The following BRINP2 variants were observed in gnomAD, a reference collection of about 807,000 sequenced individuals.
BRINP2 encodes the protein BMP/retinoic acid inducible neural specific 2, also known as BMP/retinoic acid-inducible neural-specific protein 2.
Under a neutral mutation model 69.2 loss-of-function variants are expected in BRINP2, and 21 were observed. The observed-to-expected ratio is 0.30, with a 90% CI of 0.22 to 0.44. BRINP2 has a LOEUF of 0.44. Among genes scored for constraint, BRINP2 ranks in the 20% least tolerant of loss-of-function variants. The pLI is 1.00. For synonymous variants in BRINP2, 380 were observed against 394.1 expected, an observed-to-expected ratio of 0.96 and a Z score of 0.42; for missense variants, 877 against 986.0, an observed-to-expected ratio of 0.89 and a Z score of 1.48.
chr1:177,227,791 G>A (rs1360031661), intron 1 of BRINP2, among the ~76,000 whole-genome samples: 1 of 151,786 alleles, frequency 6.6e-6, no homozygotes, highest in East Asian at 1.9e-4. Context: ...CATATACTAA[G>A]TTCTAATATA....
intron 3 of BRINP2, 198 bp from the exon 4 acceptor site, chr1:177,256,978 T>C: frequency 6.8e-7 from 1 of 1,474,726 alleles, no homozygotes; most frequent in Non-Finnish European, 9.0e-7. Flanking sequence ...AGAGGGCCTT[T>C]CAGGCAGCGA....
rs1313902090 is a variant in BRINP2, at chr1:177,257,392, C to T, written c.669+8C>T. 2 of 1,601,196 alleles carry T rather than the reference C, an allele frequency of 1.2e-6. No individual in the cohort carries two copies. Among genetic ancestry groups the T allele is most frequent in the Non-Finnish European group, 1.7e-6 (2 of 1,172,136 alleles). On this transcript the variant is annotated splice_region_variant and intron_variant, in intron 4 of 7. Transcript: ENST00000361539. ...GCCACGGGGGCCATCAAGGTAATGA[C>T]CTGAGAGGTACAGGGAAGGGGATGG...
intron 1 of BRINP2, among the ~76,000 whole-genome samples, chr1:177,193,775 C>T (rs545832334): frequency 1.3e-5 from 2 of 152,152 alleles, no homozygotes; most frequent in Non-Finnish European, 2.9e-5. Flanking sequence ...TTTATAGACT[C>T]GTATGGTTCT....
chr1:177,239,145 C>T (rs1488766270), intron 2 of BRINP2, among the ~76,000 whole-genome samples: 1 of 152,178 alleles, frequency 6.6e-6, no homozygotes, highest in African/African-American at 2.4e-5. Context: ...CTTTAGGCAG[C>T]CCGGTAGGTC....
chr1:177,216,863 G>A (rs1393309461), intron 1 of BRINP2, among the ~76,000 whole-genome samples: 2 of 147,862 alleles, frequency 1.4e-5, no homozygotes, highest in African/African-American at 5.0e-5. Flanking sequence ...TGAGAAGTTT[G>A]CTGATAGTTT....
intron 1 of BRINP2, among the ~76,000 whole-genome samples, chr1:177,218,469 AT>A (rs1649438212): frequency 6.6e-6 from 1 of 151,960 alleles, no homozygotes; most frequent in Admixed American, 6.5e-5. Context: ...AATTTGCATA[AT>A]TTTTTAATAT....
At chr1:177,224,349 T>C (rs1368379906) in intron 1 of BRINP2, among the ~76,000 whole-genome samples, 1 of 152,244 alleles carries the variant, frequency 6.6e-6, no homozygotes, top group East Asian at 1.9e-4. Context: ...ATTCCTGCTT[T>C]ATACCCTGCT....
intron 1 of BRINP2, among the ~76,000 whole-genome samples, chr1:177,178,766 T>G (rs1434359158): frequency 6.6e-6 from 1 of 151,938 alleles, no homozygotes; most frequent in Admixed American, 6.6e-5. Flanking sequence ...TTATTAAGAG[T>G]GTGTAGTGCT....
intron 1 of BRINP2, among the ~76,000 whole-genome samples, chr1:177,212,009 TATCA>T (rs1035393054): frequency 1.3e-5 from 2 of 152,164 alleles, no homozygotes; most frequent in East Asian, 1.9e-4. Flanking sequence ...TGTTTGAGTA[TATCA>T]ATCAATCTAC....
At chr1:177,234,835 G>A (rs1025560719) in intron 2 of BRINP2, among the ~76,000 whole-genome samples, 2 of 152,202 alleles carry the variant, frequency 1.3e-5, no homozygotes, top group African/African-American at 4.8e-5. Flanking sequence ...GGACATCATA[G>A]TCTTATCATA....
chr1:177,218,645 A>G (rs767023316), intron 1 of BRINP2, among the ~76,000 whole-genome samples: 3 of 152,042 alleles, frequency 2.0e-5, no homozygotes, highest in African/African-American at 7.2e-5. Context: ...AAATGCTGGG[A>G]AAGTTGGATA....
Position 177,276,413 on chromosome 1 carries a change from A to G in BRINP2, c.991A>G (p.Asn331Asp). 6.2e-7 allele frequency: 1 copy of G among 1,614,140 alleles called. No homozygotes were observed. The highest frequency in any genetic ancestry group is 8.5e-7 in the Non-Finnish European group (1 of 1,180,026). ...LQIQDSWATHNRQFEESEEFQ... is the reference protein window; with the variant it reads ...LQIQDSWATHDRQFEESEEFQ... Reference sequence around the variant, plus strand: ...GATCCAGGACTCCTGGGCCACTCACAACCGGCAGTTTGAAGAGTCAGGTGA... The same window carrying G: ...GATCCAGGACTCCTGGGCCACTCACGACCGGCAGTTTGAAGAGTCAGGTGA... Residue 331 changes from asparagine to aspartate, a missense_variant, in exon 6 of 8, where the codon AAC (asparagine) becomes GAC (aspartate). This residue lies in a region of BRINP2 where 566 missense variants were observed against 625.2 expected (regional missense o/e 0.91). Transcript: ENST00000361539.
intron 3 of BRINP2, chr1:177,256,801 T>A (rs1650776281): frequency 8.7e-7 from 1 of 1,145,960 alleles, no homozygotes; most frequent in Non-Finnish European, 1.1e-6. Flanking sequence ...GAGATGCCCC[T>A]TCAAGGCTTT....
intron 1 of BRINP2, among the ~76,000 whole-genome samples, chr1:177,210,049 A>C (rs1649180275): frequency 6.6e-6 from 1 of 152,184 alleles, no homozygotes; most frequent in Non-Finnish European, 1.5e-5. Flanking sequence ...TTGGAATAGA[A>C]CAGTGCGTAC....
chr1:177,269,504 G>T (rs943967753), intron 4 of BRINP2, among the ~76,000 whole-genome samples: 2 of 152,168 alleles, frequency 1.3e-5, no homozygotes, highest in Non-Finnish European at 2.9e-5. Context: ...TCACACAAAA[G>T]TTCAGGTGGA....
Position 177,281,271 on chromosome 1 carries a change from G to T in BRINP2, c.2095G>T (p.Asp699Tyr). Residue 699 changes from aspartate (D) to tyrosine (Y), a missense_variant, in exon 8 of 8, where the codon GAC becomes TAC. Physicochemically the swap from Asp to Tyr is radical, Grantham distance 160. Coordinates refer to ENST00000361539, the MANE Select transcript of BRINP2 (RefSeq NM_021165.4). ...SLPFDPDAIR[D>Y]LILQLDYPYT... ...GCCCTTTGACCCAGATGCTATCCGG[G>T]ACTTAATTCTCCAGTTGGACTACCC... 1 of 1,614,074 alleles carries T rather than the reference G, an allele frequency of 6.2e-7. No individual in the cohort carries two copies. The highest frequency in any genetic ancestry group is 8.5e-7 in the Non-Finnish European group (1 of 1,180,030).
At chr1:177,231,955 C>T (rs1360894020) in intron 2 of BRINP2, among the ~76,000 whole-genome samples, 2 of 152,148 alleles carry the variant, frequency 1.3e-5, no homozygotes, top group Non-Finnish European at 2.9e-5. Context: ...GGGTGACCTT[C>T]CCTTTATTAA....
intron 1 of BRINP2, among the ~76,000 whole-genome samples, chr1:177,172,183 C>T (rs1397835597): frequency 1.3e-5 from 2 of 152,178 alleles, no homozygotes; most frequent in Non-Finnish European, 2.9e-5. Context: ...TCTATATTAT[C>T]GTGCTCATAG....
Position 177,259,265 on chromosome 1 carries a change from A to T in BRINP2, c.669+1881A>T, listed in dbSNP as rs150532577. ...TCCCCGAAGCCAAAGCCTAATCCAG[A>T]GTAAGGCCCTGACTCTGGTTAATTC... On this transcript the variant is annotated intron_variant, in intron 4 of 7. Coordinates refer to ENST00000361539, the MANE Select transcript of BRINP2 (RefSeq NM_021165.4). Among the ~76,000 whole-genome samples, 489 of 152,322 alleles carry T rather than the reference A, an allele frequency of 3.2e-3. 4 individuals carry two copies. Among genetic ancestry groups the T allele is most frequent in the African/African-American group, 0.011 (474 of 41,566 alleles).
Sources: allele counts gnomAD v4.1 joint callset (sites outside exome capture counted in the v4.1 genomes callset), GRCh38; gene constraint gnomAD v4.1.1; regional missense constraint gnomAD v4.1.1; transcripts MANE v1.5; gene names NCBI Gene and HGNC (gene_info 2026-07-23, HGNC 2026-07-21).